Variants in DLGAP2 observed in about 807,000 individuals in gnomAD.
DLGAP2 encodes disks large-associated protein 2.
Under a neutral mutation model 100.3 loss-of-function variants are expected in DLGAP2, and 26 were observed. The observed-to-expected ratio is 0.26, with a 90% confidence interval of 0.19 to 0.36. The LOEUF is 0.36. Ranked by LOEUF, DLGAP2 falls within the 10% of genes least tolerant of loss-of-function variation. The pLI is 1.00. For missense variants in DLGAP2, 1,858 were observed against 1,453.2 expected (o/e 1.28, Z -4.53); for synonymous variants, 886 against 630.1 (o/e 1.41, Z -6.08).
At chr8:1,700,594 G>C (rs189918210) in intron 14 of DLGAP2, among the ~76,000 whole-genome samples, 1 of 151,092 alleles carries the variant, frequency 6.6e-6, no homozygotes, top group African/African-American at 2.5e-5. Context: ...CTGAGCTAAG[G>C]GTGAGAAATA....
At chr8:1,564,780 C>G (rs1802330243) in intron 5 of DLGAP2, among the ~76,000 whole-genome samples, 1 of 152,192 alleles carries the variant, frequency 6.6e-6, no homozygotes, top group South Asian at 2.1e-4. Context: ...CTGTACCAGG[C>G]AGACATATAA....
chr8:1,227,174 AG>A lies in DLGAP2; in HGVS notation c.74-31676del, dbSNP rs200967641. On this transcript the variant is annotated intron_variant, in intron 2 of 14. Transcript: ENST00000637795. ...GTGAGATATATATATATATATATAT[AG>A]TATAGATATATATTATCCATTCATT... Among the ~76,000 whole-genome samples the A allele has an allele frequency of 4.7e-3, 306 of 64,496 alleles. 6 individuals carry two copies. The highest frequency in any genetic ancestry group is 0.013 in the South Asian group (22 of 1,646). The allele number at this position is 64,496 out of a possible 152,430, so 42.3% of individuals were successfully genotyped here.
At chr8:1,005,495 A>G (rs1236844643) in intron 2 of DLGAP2, among the ~76,000 whole-genome samples, 7 of 148,884 alleles carry the variant, frequency 4.7e-5, no homozygotes, top group Non-Finnish European at 7.4e-5. Context: ...TGCAGCCTCA[A>G]CCTCCTGGCC....
intron 2 of DLGAP2, among the ~76,000 whole-genome samples, chr8:1,212,458 C>G (rs570231752): frequency 6.6e-6 from 1 of 152,254 alleles, no homozygotes; most frequent in East Asian, 1.9e-4. Context: ...TATTTGATGT[C>G]TAGTTAGTAT....
chr8:984,955 C>T (rs1800444748), intron 2 of DLGAP2, among the ~76,000 whole-genome samples: 1 of 152,172 alleles, frequency 6.6e-6, no homozygotes, highest in East Asian at 1.9e-4. Flanking sequence ...TAATTGCTTC[C>T]TGTGTGTATT....
At chr8:1,021,031 T>C (rs1357000711) in intron 2 of DLGAP2, among the ~76,000 whole-genome samples, 1 of 152,192 alleles carries the variant, frequency 6.6e-6, no homozygotes, top group Non-Finnish European at 1.5e-5. Flanking sequence ...TTCCAAAGAT[T>C]ACCATGCACG....
intron 2 of DLGAP2, among the ~76,000 whole-genome samples, chr8:1,012,148 A>G (rs1207620397): frequency 6.6e-6 from 1 of 152,088 alleles, no homozygotes; most frequent in Non-Finnish European, 1.5e-5. Flanking sequence ...TCCCCTTGCT[A>G]GGCTGTGTGA....
At chr8:1,174,850 A>G (rs893880486) in intron 2 of DLGAP2, among the ~76,000 whole-genome samples, 5 of 152,198 alleles carry the variant, frequency 3.3e-5, no homozygotes, top group African/African-American at 1.2e-4. Flanking sequence ...CTGTTTATCT[A>G]TGTTTACAAA....
chr8:786,637 C>G (rs567243632), intron 1 of DLGAP2, among the ~76,000 whole-genome samples: 43 of 152,192 alleles, frequency 2.8e-4, no homozygotes, highest in African/African-American at 1.0e-3. Context: ...CGGGCGCTGC[C>G]TCGGTGGTGC....
At chr8:1,692,790 C>G (rs1799285620) in intron 13 of DLGAP2, among the ~76,000 whole-genome samples, 1 of 151,768 alleles carries the variant, frequency 6.6e-6, no homozygotes, top group Admixed American at 6.6e-5. Context: ...ATACAGTTGA[C>G]GTTAAACTTG....
At chr8:1,032,134 C>G (rs1274546273) in intron 2 of DLGAP2, among the ~76,000 whole-genome samples, 1 of 152,260 alleles carries the variant, frequency 6.6e-6, no homozygotes, top group Non-Finnish European at 1.5e-5. Context: ...CTTCAGGGGT[C>G]TGCTCAGAGT....
At chr8:779,405 G>T (rs1019702320) in intron 1 of DLGAP2, among the ~76,000 whole-genome samples, 6 of 151,972 alleles carry the variant, frequency 3.9e-5, no homozygotes, top group Middle Eastern at 3.4e-3. Context: ...CCTACACTGG[G>T]GGCTCAACAC....
chr8:1,225,562 G>A (rs1399698878), intron 2 of DLGAP2, among the ~76,000 whole-genome samples: 1 of 152,140 alleles, frequency 6.6e-6, no homozygotes, highest in African/African-American at 2.4e-5. Context: ...CGTCAAAATG[G>A]TTAATTTTAT....
At chr8:1,501,541 GA>G in intron 4 of DLGAP2, 110 bp downstream of exon 4, 2 of 1,105,748 alleles carry the variant, frequency 1.8e-6, no homozygotes, top group South Asian at 1.4e-5. Context: ...AGCATGTTTA[GA>G]AAGGGAGCTA....
At chr8:760,223 TTCAGTGTGACGCC>T (rs1254236915) in intron 1 of DLGAP2, among the ~76,000 whole-genome samples, 5 of 152,276 alleles carry the variant, frequency 3.3e-5, no homozygotes, top group Admixed American at 6.5e-5. Context: ...ACACAGGCTT[TTCAGTGTGACGCC>T]TCCTGTCTCC....
chr8:1,641,537 T>C (rs566672400), intron 8 of DLGAP2, among the ~76,000 whole-genome samples: 176 of 152,244 alleles, frequency 1.2e-3, no homozygotes, highest in African/African-American at 4.0e-3. Context: ...GAGCCACGGG[T>C]TCCTGACTCA....
intron 2 of DLGAP2, among the ~76,000 whole-genome samples, chr8:1,211,876 AAAAAT>A (rs1317181003): frequency 1.3e-5 from 2 of 152,266 alleles, no homozygotes; most frequent in Admixed American, 1.3e-4. Context: ...CTTCGTCTCA[AAAAAT>A]AAAATAAAAT....
At chr8:1,673,776 G>C (rs1798746169) in intron 10 of DLGAP2, among the ~76,000 whole-genome samples, 1 of 152,168 alleles carries the variant, frequency 6.6e-6, no homozygotes, top group Admixed American at 6.5e-5. Context: ...TGCATGGCCA[G>C]CAAGTAGCAG....
chr8:1,122,848 C>G (rs1367979666), intron 2 of DLGAP2, among the ~76,000 whole-genome samples: 1 of 151,822 alleles, frequency 6.6e-6, no homozygotes, highest in Non-Finnish European at 1.5e-5. Context: ...ACCAGTAGCT[C>G]CCCTCGTATT....
Sources: gnomAD v4.1 joint callset for allele counts (sites outside exome capture counted in the v4.1 genomes callset) on GRCh38, gnomAD v4.1.1 for gene constraint, MANE v1.5 for transcripts, NCBI Gene and HGNC (gene_info 2026-07-23, HGNC 2026-07-21) for gene names.